The following ZDHHC11 variants were observed in gnomAD, a reference collection of about 807,000 sequenced individuals.
ZDHHC11 encodes the protein zDHHC palmitoyltransferase 11, also known as palmitoyltransferase ZDHHC11.
In ZDHHC11, 44 loss-of-function variants were observed where a neutral mutation model predicts 51.3. The ratio of observed to expected loss-of-function variants is 0.86; its 90% confidence interval spans 0.67 to 1.10. The LOEUF (loss-of-function observed/expected upper bound fraction) is 1.10, where lower values mean the gene tolerates loss of function less well. Ranked by LOEUF, ZDHHC11 falls within the 50% of genes least tolerant of loss-of-function variation. ZDHHC11 has a pLI of 0.00. For missense variants in ZDHHC11, 400 were observed against 537.7 expected (o/e 0.74, Z 2.53); for synonymous variants, 163 against 222.0 (o/e 0.73, Z 2.36).
At chr5:820,087 C>T (rs1741374627) in intron 9 of ZDHHC11, among the ~76,000 whole-genome samples, 1 of 151,586 alleles carries the variant, frequency 6.6e-6, no homozygotes, top group East Asian at 1.9e-4. Context: ...GCAATCATTA[C>T]ACAACTTTAG....
intron 11 of ZDHHC11, among the ~76,000 whole-genome samples, chr5:805,163 C>T (rs544514764): frequency 6.6e-6 from 1 of 151,444 alleles, no homozygotes; most frequent in African/African-American, 2.4e-5. Context: ...TTGGGGCTGA[C>T]TGTAGTGGCT....
chr5:855,088 CGGGGACAGACCCCACG>C (rs1747977180), upstream of ZDHHC11, among the ~76,000 whole-genome samples: 1 of 66,444 alleles, frequency 1.5e-5, no homozygotes, highest in Non-Finnish European at 3.0e-5. Context: ...CAGCGAGCCG[CGGGGACAGACCCCACG>C]GAGGACAGCG....
At chr5:819,801 G>A (rs1741330145) in intron 9 of ZDHHC11, among the ~76,000 whole-genome samples, 189 bp from the exon 10 acceptor site, 2 of 151,254 alleles carry the variant, frequency 1.3e-5, no homozygotes, top group Admixed American at 1.3e-4. Flanking sequence ...GAAACAGAAG[G>A]AGCTTCTCGT....
intron 1 of ZDHHC11, among the ~76,000 whole-genome samples, chr5:857,928 C>T (rs896327929): frequency 1.3e-5 from 2 of 150,342 alleles, no homozygotes; most frequent in Admixed American, 6.6e-5. Flanking sequence ...AGGTCCCTGT[C>T]CTGTCTTTAT....
At chr5:855,067 C>T (rs1747970569), upstream of ZDHHC11, among the ~76,000 whole-genome samples, 1 of 147,240 alleles carries the variant, frequency 6.8e-6, no homozygotes, top group African/African-American at 2.5e-5. Context: ...GGGGACAGAC[C>T]CCACAGAGGA....
At chr5:822,949 T>C (rs1175333064) in intron 8 of ZDHHC11, among the ~76,000 whole-genome samples, 1 of 150,546 alleles carries the variant, frequency 6.6e-6, no homozygotes, top group African/African-American at 2.4e-5. Context: ...TATTGTTGCC[T>C]TGGTGAAGAA....
chr5:844,401 G>A (rs1257065191), intron 3 of ZDHHC11, among the ~76,000 whole-genome samples: 7 of 152,240 alleles, frequency 4.6e-5, no homozygotes, highest in African/African-American at 1.4e-4. Flanking sequence ...GGTGCGACTC[G>A]CCCAAGCCTA....
chr5:853,608 C>G (rs57627765), upstream of ZDHHC11, among the ~76,000 whole-genome samples: 24,492 of 121,524 alleles, frequency 0.2, 4,701 homozygotes, highest in African/African-American at 0.53. Flanking sequence ...CAGCAAGCCA[C>G]GGGGACAGAC....
At chr5:845,723 T>TGCCGTTGCTCTCTCC (rs1746045653) in intron 3 of ZDHHC11, among the ~76,000 whole-genome samples, 1 of 151,784 alleles carries the variant, frequency 6.6e-6, no homozygotes, top group South Asian at 2.1e-4. Context: ...TTGCTCTCAA[T>TGCCGTTGCTCTCTCC]GCCGTTGCTC....
At chr5:797,151 G>C (rs1737705019) in intron 12 of ZDHHC11, among the ~76,000 whole-genome samples, 1 of 151,442 alleles carries the variant, frequency 6.6e-6, no homozygotes. Context: ...AGTTTGCAGT[G>C]AGCCAAGATT....
At chr5:836,143 C>T (rs1157280474) in intron 6 of ZDHHC11, among the ~76,000 whole-genome samples, 2 of 150,222 alleles carry the variant, frequency 1.3e-5, no homozygotes, top group African/African-American at 4.9e-5. Flanking sequence ...GGTCACAAGC[C>T]TTTCACCAGT....
chr5:846,226 C>T (rs1180839181), intron 3 of ZDHHC11, among the ~76,000 whole-genome samples: 5 of 151,150 alleles, frequency 3.3e-5, no homozygotes, highest in African/African-American at 1.2e-4. Context: ...TGCTGTGCTC[C>T]AGACGGGATG....
chr5:836,787 A>G (rs2150376819), intron 6 of ZDHHC11, among the ~76,000 whole-genome samples: 1 of 150,276 alleles, frequency 6.7e-6, no homozygotes, highest in Non-Finnish European at 1.5e-5. Context: ...CAGGCCAGGT[A>G]CAGTGACTCA....
upstream of ZDHHC11, among the ~76,000 whole-genome samples, chr5:851,674 G>A (rs116598164): frequency 0.01 from 1,553 of 152,302 alleles, 21 homozygotes; most frequent in African/African-American, 0.034. Flanking sequence ...TGTGACACCA[G>A]GCGGATGCGG....
At chr5:800,498 G>C (rs1313801851) in intron 12 of ZDHHC11, among the ~76,000 whole-genome samples, 1 of 151,154 alleles carries the variant, frequency 6.6e-6, no homozygotes, top group African/African-American at 2.4e-5. Flanking sequence ...GGGAGAGCAT[G>C]CCCCTCTGTT....
At chr5:805,303 T>C (rs1472461129) in intron 11 of ZDHHC11, among the ~76,000 whole-genome samples, 5 of 150,612 alleles carry the variant, frequency 3.3e-5, no homozygotes, top group African/African-American at 1.2e-4. Flanking sequence ...CCAGGCGTGG[T>C]GATGTGTGCC....
At chr5:798,404 C>T (rs1737900756) in intron 12 of ZDHHC11, among the ~76,000 whole-genome samples, 1 of 151,584 alleles carries the variant, frequency 6.6e-6, no homozygotes, top group Admixed American at 6.7e-5. Flanking sequence ...TGGACACGGA[C>T]ACGCGCACGC....
intron 7 of ZDHHC11, among the ~76,000 whole-genome samples, chr5:830,159 A>G (rs1579673080): frequency 8.0e-6 from 1 of 124,320 alleles, no homozygotes; most frequent in South Asian, 2.8e-4. Context: ...AAGAGAAAGA[A>G]AAAGCATCCA....
intron 6 of ZDHHC11, among the ~76,000 whole-genome samples, chr5:836,590 C>T (rs1476612623): frequency 2.0e-5 from 3 of 149,524 alleles, no homozygotes; most frequent in African/African-American, 7.4e-5. Context: ...TAAATCTTTG[C>T]TGGAATTCAT....
Sources: allele counts gnomAD v4.1 joint callset (sites outside exome capture counted in the v4.1 genomes callset), GRCh38; gene constraint gnomAD v4.1.1; transcripts MANE v1.5; gene names NCBI Gene and HGNC (gene_info 2026-07-23, HGNC 2026-07-21).